Variants in UTS2 observed in about 807,000 individuals in gnomAD.
UTS2 encodes urotensin 2, also known as urotensin-2.
Under a neutral mutation model 12.6 loss-of-function variants are expected in UTS2, and 10 were observed. The observed-to-expected ratio is 0.80, with a 90% CI of 0.49 to 1.35. UTS2 has a LOEUF of 1.35. UTS2 is among the 40% of genes most tolerant of loss of function. The probability of loss-of-function intolerance (pLI) is 0.00; values close to 1 mark genes in which losing one functional copy is unlikely to be tolerated. For missense variants in UTS2, 142 were observed against 143.2 expected, an observed-to-expected ratio of 0.99 and a Z score of 0.04; for synonymous variants, 52 against 50.0, an observed-to-expected ratio of 1.04 and a Z score of -0.17.
At chr1:7,883,041 C>T in the UTS2 span, among the ~76,000 whole-genome samples, 25 of 152,044 alleles carry the variant, frequency 1.6e-4, no homozygotes, top group East Asian at 1.9e-4. Context: ...GGTATTAATC[C>T]AAAGGGAAGA....
chr1:7,903,823 A>T, the UTS2 span, among the ~76,000 whole-genome samples: 1 of 152,218 alleles, frequency 6.6e-6, no homozygotes, highest in Non-Finnish European at 1.5e-5. Flanking sequence ...GGGAGGGAAG[A>T]AATGAAGAGC....
the UTS2 span, among the ~76,000 whole-genome samples, chr1:7,912,087 T>C: frequency 2.6e-5 from 4 of 152,216 alleles, no homozygotes; most frequent in African/African-American, 9.6e-5. Flanking sequence ...GGCTCATCTC[T>C]TTCTCACTGT....
At chr1:7,867,388 G>A in the UTS2 span, among the ~76,000 whole-genome samples, 1 of 152,124 alleles carries the variant, frequency 6.6e-6, no homozygotes. Context: ...TAAAAATGGG[G>A]TCAATCATTT....
the UTS2 span, among the ~76,000 whole-genome samples, chr1:7,905,905 A>C: frequency 1.4e-5 from 2 of 143,408 alleles, no homozygotes; most frequent in African/African-American, 5.1e-5. Flanking sequence ...GAAGTGGGGC[A>C]GTGTCTTGCC....
chr1:7,864,004 C>A, the UTS2 span, among the ~76,000 whole-genome samples: 8 of 152,218 alleles, frequency 5.3e-5, no homozygotes, highest in Non-Finnish European at 8.8e-5. Context: ...CATCTCAGGG[C>A]AGCAGGAGGG....
At chr1:7,848,143 G>A (rs2097409781) in intron 3 of UTS2, among the ~76,000 whole-genome samples, 1 of 152,046 alleles carries the variant, frequency 6.6e-6, no homozygotes, top group Non-Finnish European at 1.5e-5. Context: ...CTCATTGACC[G>A]ATTTCTATTT....
chr1:7,896,629 T>C, the UTS2 span, among the ~76,000 whole-genome samples: 3 of 152,132 alleles, frequency 2.0e-5, no homozygotes, highest in Non-Finnish European at 4.4e-5. Context: ...AGATTTTCTG[T>C]GCCAGATGCT....
At chr1:7,857,056 G>A (rs1638325963), upstream of UTS2, among the ~76,000 whole-genome samples, 2 of 135,040 alleles carry the variant, frequency 1.5e-5, no homozygotes, top group South Asian at 2.4e-4. Context: ...GGAAGACTCT[G>A]TAGGAAAAGA....
the UTS2 span, among the ~76,000 whole-genome samples, chr1:7,892,469 GTTT>G: frequency 0.025 from 1,920 of 77,580 alleles, 16 homozygotes; most frequent in African/African-American, 0.086. Flanking sequence ...CCTCATGCAT[GTTT>G]TTTTTTTTTT....
chr1:7,907,021 G>T, the UTS2 span, among the ~76,000 whole-genome samples: 43 of 150,892 alleles, frequency 2.8e-4, no homozygotes, highest in Admixed American at 1.9e-3. Context: ...GAGACCAAGG[G>T]GGGAGGATCA....
the UTS2 span, among the ~76,000 whole-genome samples, chr1:7,910,816 A>G: frequency 6.6e-6 from 1 of 152,116 alleles, no homozygotes; most frequent in Non-Finnish European, 1.5e-5. Context: ...ACCTGTTGGC[A>G]GCCTCAACCT....
At chr1:7,901,630 G>A in the UTS2 span, among the ~76,000 whole-genome samples, 1,723 of 150,658 alleles carry the variant, frequency 0.011, 17 homozygotes, top group South Asian at 0.023. Flanking sequence ...GTGTGTGTGT[G>A]TATATATATA....
upstream of UTS2, among the ~76,000 whole-genome samples, chr1:7,854,205 A>G (rs1297266098): frequency 1.3e-5 from 2 of 151,972 alleles, no homozygotes; most frequent in Non-Finnish European, 2.9e-5. Flanking sequence ...TTAGCCAGGC[A>G]TGGTGGCACG....
At chr1:7,894,071 G>A in the UTS2 span, among the ~76,000 whole-genome samples, 2 of 151,906 alleles carry the variant, frequency 1.3e-5, no homozygotes, top group Non-Finnish European at 2.9e-5. Context: ...AAAGTAAATG[G>A]AGATGTTTGA....
At chr1:7,863,031 TTG>T in the UTS2 span, among the ~76,000 whole-genome samples, 268 of 30,084 alleles carry the variant, frequency 8.9e-3, 6 homozygotes, top group South Asian at 0.024. Flanking sequence ...TTGTATTGTA[TTG>T]TATTGTATTG....
intron 1 of UTS2, among the ~76,000 whole-genome samples, 173 bp downstream of exon 1, chr1:7,852,728 A>G (rs1357524197): frequency 6.6e-6 from 1 of 152,196 alleles, no homozygotes; most frequent in Middle Eastern, 3.2e-3. Context: ...ATCCATTACT[A>G]CATCTAAAAT....
the UTS2 span, among the ~76,000 whole-genome samples, chr1:7,863,037 T>TGTA: frequency 1.8e-4 from 5 of 27,650 alleles, no homozygotes; most frequent in Non-Finnish European, 1.9e-4. Context: ...TGTATTGTAT[T>TGTA]GTATTGTATT....
chr1:7,889,833 A>G, the UTS2 span, among the ~76,000 whole-genome samples: 4 of 152,094 alleles, frequency 2.6e-5, no homozygotes, highest in Admixed American at 2.0e-4. Context: ...TTGGGAGGCC[A>G]AGGCGGGAGG....
chr1:7,897,934 T>C, the UTS2 span, among the ~76,000 whole-genome samples: 1 of 152,160 alleles, frequency 6.6e-6, no homozygotes, highest in Middle Eastern at 3.2e-3. Flanking sequence ...TGGTAGAGCA[T>C]TCCTAGGTAC....
Sources: gnomAD v4.1 joint callset for allele counts (sites outside exome capture counted in the v4.1 genomes callset) on GRCh38, gnomAD v4.1.1 for gene constraint, MANE v1.5 for transcripts, NCBI Gene and HGNC (gene_info 2026-07-23, HGNC 2026-07-21) for gene names.